SNTB1: variants seen among roughly 807,000 people sequenced by gnomAD.
SNTB1 encodes beta-1-syntrophin.
SNTB1 carries 36 observed loss-of-function variants against 48.9 expected under a neutral mutation model. The ratio of observed to expected loss-of-function variants is 0.74; its 90% confidence interval spans 0.56 to 0.97. The LOEUF (loss-of-function observed/expected upper bound fraction) is 0.97, where lower values mean the gene tolerates loss of function less well. SNTB1 is among the 50% of genes least tolerant of loss of function. The probability of loss-of-function intolerance (pLI) is 0.00; values close to 1 mark genes in which losing one functional copy is unlikely to be tolerated. For missense variants in SNTB1, 786 were observed against 703.4 expected (o/e 1.12, Z -1.33); for synonymous variants, 299 against 294.6 (o/e 1.01, Z -0.15).
At chr8:120,800,627 A>T (rs1478526786) in intron 1 of SNTB1, among the ~76,000 whole-genome samples, 1 of 152,062 alleles carries the variant, frequency 6.6e-6, no homozygotes, top group East Asian at 1.9e-4. Context: ...ATTATACAGA[A>T]TGGGTGGATT....
intron 2 of SNTB1, chr8:120,636,016 G>T (rs992684187): frequency 3.0e-6 from 3 of 990,160 alleles, no homozygotes; most frequent in African/African-American, 1.8e-5. Flanking sequence ...AAGATCTTTT[G>T]CAAGATGGCT....
intron 1 of SNTB1, among the ~76,000 whole-genome samples, chr8:120,712,779 C>T (rs1324743687): frequency 2.6e-5 from 4 of 152,060 alleles, no homozygotes; most frequent in Non-Finnish European, 2.9e-5. Flanking sequence ...AGATTTATGC[C>T]TCACTACAGT....
chr8:120,601,244 C>A (rs972311283), intron 3 of SNTB1, among the ~76,000 whole-genome samples: 9 of 150,186 alleles, frequency 6.0e-5, no homozygotes, highest in African/African-American at 2.2e-4. Flanking sequence ...GGGGAGTGGT[C>A]AGCATAGGGG....
At chr8:120,546,093 AG>A (rs1815376048) in intron 5 of SNTB1, among the ~76,000 whole-genome samples, 1 of 152,222 alleles carries the variant, frequency 6.6e-6, no homozygotes, top group Admixed American at 6.5e-5. Flanking sequence ...CCTCAGAGAC[AG>A]AGAGAAATGA....
At chr8:120,611,562 G>A (rs939494621) in intron 3 of SNTB1, among the ~76,000 whole-genome samples, 1 of 151,606 alleles carries the variant, frequency 6.6e-6, no homozygotes, top group Non-Finnish European at 1.5e-5. Context: ...GGTAGCTCAC[G>A]CCTGTAATCC....
chr8:120,695,438 C>T (rs1563854047), intron 1 of SNTB1, among the ~76,000 whole-genome samples: 1 of 152,132 alleles, frequency 6.6e-6, no homozygotes, highest in Non-Finnish European at 1.5e-5. Flanking sequence ...CATAGCTGCC[C>T]CACAAATCTT....
chr8:120,548,342 TCA>T (rs1815418127), intron 5 of SNTB1, among the ~76,000 whole-genome samples: 1 of 152,176 alleles, frequency 6.6e-6, no homozygotes, highest in Non-Finnish European at 1.5e-5. Context: ...CCTAAAAGAC[TCA>T]CACACCTGTT....
chr8:120,648,975 T>C (rs976773425), intron 2 of SNTB1, among the ~76,000 whole-genome samples: 3 of 150,852 alleles, frequency 2.0e-5, no homozygotes, highest in African/African-American at 7.3e-5. Context: ...CTGAGGCTTC[T>C]GCATTCTTCA....
At chr8:120,627,803 T>G (rs1816908720) in intron 3 of SNTB1, among the ~76,000 whole-genome samples, 1 of 152,236 alleles carries the variant, frequency 6.6e-6, no homozygotes, top group African/African-American at 2.4e-5. Flanking sequence ...GGACAGATGT[T>G]TCCTGGGCCC....
rs1290503405 is a variant in SNTB1, at chr8:120,755,057, G to C, written c.571+56216C>G. Reference sequence around the variant, plus strand: ...ATGGTGTTGGTTCTCATGTCACCCAGTGTGGTTGCAGTGGCCTTCACACAG... The same window carrying C: ...ATGGTGTTGGTTCTCATGTCACCCACTGTGGTTGCAGTGGCCTTCACACAG... On this transcript the variant is annotated intron_variant, in intron 1 of 6. Coordinates refer to ENST00000517992, the MANE Select transcript of SNTB1 (RefSeq NM_021021.4). Among the ~76,000 whole-genome samples, 2 of 152,120 alleles carry C rather than the reference G, an allele frequency of 1.3e-5. 1 individual carries two copies. Among genetic ancestry groups the C allele is most frequent in the Admixed American group, 1.3e-4 (2 of 15,248 alleles).
rs1818035022 is a variant in SNTB1, at chr8:120,686,462, C to T, written c.788+7230G>A. Among the ~76,000 whole-genome samples the T allele has an allele frequency of 2.0e-5, 3 of 152,262 alleles. No homozygotes were observed. In the South Asian group the frequency reaches 6.2e-4, roughly 32 times the overall value. ...CATGGTCTAAGGGGAAAACAGGCTC[C>T]CTTGAGCCTCTTTTATAAAAGGGCA... On this transcript the variant is annotated intron_variant, in intron 2 of 6. Transcript: ENST00000517992.
chr8:120,792,819 A>T (rs1820059425), intron 1 of SNTB1, among the ~76,000 whole-genome samples: 1 of 151,852 alleles, frequency 6.6e-6, no homozygotes, highest in African/African-American at 2.4e-5. Flanking sequence ...CTTCTCCATC[A>T]TTTCCCTCTC....
intron 6 of SNTB1, among the ~76,000 whole-genome samples, chr8:120,541,549 T>C (rs1586984823): frequency 6.6e-6 from 1 of 152,216 alleles, no homozygotes; most frequent in East Asian, 1.9e-4. Flanking sequence ...GAGACCCTAT[T>C]TGATAAGAAT....
In SNTB1 at chr8:120,720,638, A is replaced by G. The variant is rs567044212; in HGVS notation, c.572-26730T>C. On this transcript the variant is annotated intron_variant, in intron 1 of 6. Coordinates refer to ENST00000517992, the MANE Select transcript of SNTB1 (RefSeq NM_021021.4). The stretch of plus-strand genomic sequence containing the variant: ...GCTTCACATAAGTGCTATGAAGAGC[A>G]TTGATCAGTATCTTTTGCAAACCCA... Among the ~76,000 whole-genome samples the G allele has an allele frequency of 4.5e-4, 68 of 152,358 alleles. No individual in the cohort carries two copies. The South Asian group carries it at 0.014, about 31-fold the overall frequency.
chr8:120,665,690 T>C (rs1356175898), intron 2 of SNTB1, among the ~76,000 whole-genome samples: 2 of 152,350 alleles, frequency 1.3e-5, no homozygotes, highest in East Asian at 1.9e-4. Flanking sequence ...AGAAGTTTTA[T>C]AGTTGTATGC....
chr8:120,584,438 C>CAAAAAAAAAAAA (rs11443743), intron 3 of SNTB1, among the ~76,000 whole-genome samples: 6 of 57,076 alleles, frequency 1.1e-4, no homozygotes, highest in African/African-American at 3.3e-4. Context: ...AACTCCATCT[C>CAAAAAAAAAAAA]AAAAAAAAAA....
intron 1 of SNTB1, among the ~76,000 whole-genome samples, chr8:120,697,452 T>A (rs1278008008): frequency 2.0e-5 from 3 of 152,162 alleles, no homozygotes; most frequent in African/African-American, 7.2e-5. Context: ...TAAGAAATGG[T>A]CCATGATTAG....
chr8:120,583,562 A>C (rs1023278282), intron 3 of SNTB1, among the ~76,000 whole-genome samples: 2 of 143,856 alleles, frequency 1.4e-5, no homozygotes, highest in South Asian at 2.2e-4. Flanking sequence ...CACACACACA[A>C]AACTGGAACA....
intron 3 of SNTB1, among the ~76,000 whole-genome samples, chr8:120,599,847 T>C (rs1485502630): frequency 6.6e-6 from 1 of 152,220 alleles, no homozygotes; most frequent in Non-Finnish European, 1.5e-5. Flanking sequence ...AAAGTTGTCT[T>C]TCTTAATGTG....
Sources: gnomAD v4.1 joint callset for allele counts (sites outside exome capture counted in the v4.1 genomes callset) on GRCh38, gnomAD v4.1.1 for gene constraint, MANE v1.5 for transcripts, NCBI Gene and HGNC (gene_info 2026-07-23, HGNC 2026-07-21) for gene names.